LRP1B: variants seen among roughly 807,000 people sequenced by gnomAD.
LRP1B encodes the protein low-density lipoprotein receptor-related protein 1B.
Under a neutral mutation model 556.6 loss-of-function variants are expected in LRP1B, and 217 were observed. That is an observed-to-expected ratio of 0.39 (90% CI 0.35 to 0.44). LRP1B has a LOEUF of 0.44. LRP1B is among the 20% of genes least tolerant of loss of function. The probability of loss-of-function intolerance (pLI) is 1.00; values close to 1 mark genes in which losing one functional copy is unlikely to be tolerated. For synonymous variants in LRP1B, 2,047 were observed against 1,865.8 expected, an observed-to-expected ratio of 1.10 and a Z score of -2.50; for missense variants, 5,053 against 5,620.8, an observed-to-expected ratio of 0.90 and a Z score of 3.23.
chr2:140,967,866 A>C (rs1233274996), intron 18 of LRP1B, among the ~76,000 whole-genome samples: 1 of 151,884 alleles, frequency 6.6e-6, no homozygotes. Context: ...TATGTTGAAC[A>C]AGCCTTGCAT....
At chr2:141,044,454 A>C (rs1474623092) in intron 11 of LRP1B, among the ~76,000 whole-genome samples, 4 of 151,194 alleles carry the variant, frequency 2.6e-5, no homozygotes, top group South Asian at 2.1e-4. Flanking sequence ...TCTGCACAGC[A>C]AAAGAAACTA....
intron 7 of LRP1B, among the ~76,000 whole-genome samples, chr2:141,092,528 CT>C (rs1206631324): frequency 6.6e-6 from 1 of 152,144 alleles, no homozygotes; most frequent in Non-Finnish European, 1.5e-5. Context: ...TCACCTATAG[CT>C]GTTATTTAAA....
At chr2:140,687,462 T>G (rs553101189) in intron 41 of LRP1B, among the ~76,000 whole-genome samples, 1 of 152,188 alleles carries the variant, frequency 6.6e-6, no homozygotes, top group Non-Finnish European at 1.5e-5. Flanking sequence ...GGGAAAAGAT[T>G]TGGCATATAA....
At chr2:141,800,873 T>C (rs546098643) in intron 2 of LRP1B, among the ~76,000 whole-genome samples, 2 of 152,326 alleles carry the variant, frequency 1.3e-5, no homozygotes, top group Admixed American at 1.3e-4. Flanking sequence ...TGCTGATTGA[T>C]TGAATGGTTT....
At chr2:141,590,834 C>G (rs1338865322) in intron 2 of LRP1B, among the ~76,000 whole-genome samples, 3 of 152,174 alleles carry the variant, frequency 2.0e-5, no homozygotes, top group South Asian at 2.1e-4. Flanking sequence ...CCCAACTCAT[C>G]AGTCCCAATT....
intron 3 of LRP1B, among the ~76,000 whole-genome samples, chr2:141,414,562 T>G (rs1435939265): frequency 2.0e-5 from 3 of 152,214 alleles, no homozygotes; most frequent in Non-Finnish European, 1.5e-5. Context: ...CAACAGCCCT[T>G]GCCCATAGTG....
intron 7 of LRP1B, among the ~76,000 whole-genome samples, chr2:141,160,220 A>G (rs1191131523): frequency 6.6e-6 from 1 of 152,136 alleles, no homozygotes; most frequent in Non-Finnish European, 1.5e-5. Context: ...ACATTCTACT[A>G]TGTGCCTATT....
At chr2:140,992,001 G>A (rs1020395907) in intron 16 of LRP1B, among the ~76,000 whole-genome samples, 1 of 152,012 alleles carries the variant, frequency 6.6e-6, no homozygotes, top group Non-Finnish European at 1.5e-5. Context: ...TAAAAGAATG[G>A]ATTTTATTCT....
At chr2:141,575,697 A>G (rs1686714109) in intron 2 of LRP1B, among the ~76,000 whole-genome samples, 1 of 151,882 alleles carries the variant, frequency 6.6e-6, no homozygotes, top group African/African-American at 2.4e-5. Flanking sequence ...TTTGCAATCT[A>G]CTGATCTAAG....
intron 7 of LRP1B, among the ~76,000 whole-genome samples, chr2:141,116,052 T>C (rs982324001): frequency 3.9e-5 from 6 of 152,172 alleles, no homozygotes; most frequent in Non-Finnish European, 7.4e-5. Flanking sequence ...TGGAGAGTTT[T>C]CTTTTTTCCT....
At chr2:141,977,901 A>G (rs1701930802) in intron 1 of LRP1B, among the ~76,000 whole-genome samples, 1 of 152,120 alleles carries the variant, frequency 6.6e-6, no homozygotes, top group Non-Finnish European at 1.5e-5. Context: ...CATTATTCCT[A>G]TTATTCTTAT....
intron 47 of LRP1B, among the ~76,000 whole-genome samples, chr2:140,529,066 G>A (rs2104978722): frequency 6.6e-6 from 1 of 151,984 alleles, no homozygotes; most frequent in East Asian, 1.9e-4. Flanking sequence ...TAAGCCAAGG[G>A]AGAGATACTA....
intron 1 of LRP1B, among the ~76,000 whole-genome samples, chr2:142,033,411 C>A (rs528561710): frequency 6.6e-6 from 1 of 151,640 alleles, no homozygotes; most frequent in Non-Finnish European, 1.5e-5. Flanking sequence ...CACCTAATTG[C>A]AGACATCTAC....
intron 1 of LRP1B, among the ~76,000 whole-genome samples, chr2:142,099,471 A>G (rs974145267): frequency 1.3e-5 from 2 of 151,966 alleles, no homozygotes; most frequent in East Asian, 1.9e-4. Context: ...TAAATTTCAA[A>G]CCAATTTGAT....
intron 41 of LRP1B, among the ~76,000 whole-genome samples, chr2:140,652,393 TAACTA>T (rs1684720738): frequency 2.0e-5 from 3 of 151,500 alleles, no homozygotes; most frequent in African/African-American, 7.3e-5. Context: ...TGACTCTACC[TAACTA>T]ATGAAAATAT....
chr2:141,230,735 T>G (rs1437713631), intron 5 of LRP1B, among the ~76,000 whole-genome samples: 1 of 152,188 alleles, frequency 6.6e-6, no homozygotes, highest in African/African-American at 2.4e-5. Flanking sequence ...CCTGGAATAA[T>G]CATTTATCAA....
chr2:141,804,933 C>T (rs1162880595), intron 2 of LRP1B, among the ~76,000 whole-genome samples: 2 of 152,066 alleles, frequency 1.3e-5, no homozygotes, highest in Non-Finnish European at 2.9e-5. Flanking sequence ...ATCTCCTATG[C>T]AGCAGAAGCC....
At chr2:141,398,431 A>G (rs1690325378) in intron 3 of LRP1B, among the ~76,000 whole-genome samples, 1 of 152,214 alleles carries the variant, frequency 6.6e-6, no homozygotes, top group African/African-American at 2.4e-5. Flanking sequence ...CAAACAAGCA[A>G]GCGGGTATAG....
At chr2:142,113,488 CA>C (rs34361933) in intron 1 of LRP1B, among the ~76,000 whole-genome samples, 55 of 146,578 alleles carry the variant, frequency 3.8e-4, no homozygotes, top group African/African-American at 9.0e-4. Flanking sequence ...ACAGTTGCCA[CA>C]AAAAAAAAAA....
Sources: allele counts gnomAD v4.1 joint callset (sites outside exome capture counted in the v4.1 genomes callset), GRCh38; gene constraint gnomAD v4.1.1; transcripts MANE v1.5; gene names NCBI Gene and HGNC (gene_info 2026-07-23, HGNC 2026-07-21).